Variants in TGFA observed in about 807,000 individuals in gnomAD.
The protein encoded by TGFA is protransforming growth factor alpha.
TGFA carries 12 observed loss-of-function variants against 21.7 expected under a neutral mutation model. That is an observed-to-expected ratio of 0.55 (90% CI 0.35 to 0.90). TGFA has a LOEUF of 0.90. Ranked by LOEUF, TGFA falls within the 40% of genes least tolerant of loss-of-function variation. TGFA has a pLI of 0.01. For synonymous variants in TGFA, 79 were observed against 88.1 expected (o/e 0.90, Z 0.58); for missense variants, 178 against 210.8 (o/e 0.84, Z 0.96).
At chr2:70,476,981 G>C (rs1468261025) in intron 2 of TGFA, among the ~76,000 whole-genome samples, 2 of 151,856 alleles carry the variant, frequency 1.3e-5, no homozygotes, top group Non-Finnish European at 2.9e-5. Context: ...CGAATTATAC[G>C]CAATTATTTT....
chr2:70,549,416 C>T (rs114464115), intron 1 of TGFA, among the ~76,000 whole-genome samples: 1 of 152,190 alleles, frequency 6.6e-6, no homozygotes, highest in Non-Finnish European at 1.5e-5. Flanking sequence ...TGCCCTTTCC[C>T]CATCAGCAAC....
Position 70,477,319 on chromosome 2 carries a change from A to G in TGFA, c.95-11583T>C, listed in dbSNP as rs886090702. On this transcript the variant is annotated intron_variant, in intron 2 of 5. Coordinates refer to ENST00000295400, the MANE Select transcript of TGFA (RefSeq NM_003236.4). The stretch of plus-strand genomic sequence containing the variant: ...AGAGATGACCTCGGGCTTGGTCTCT[A>G]TGGACAGAAACCTCACACACTCCTA... 6.6e-5 allele frequency among the ~76,000 whole-genome samples: 10 copies of G among 152,238 alleles called. No individual in the cohort carries two copies. The East Asian group carries it at 9.6e-4, about 15-fold the overall frequency.
intron 1 of TGFA, chr2:70,553,364 C>A: frequency 6.8e-7 from 1 of 1,464,156 alleles, no homozygotes; most frequent in South Asian, 1.4e-5. Flanking sequence ...GCCAGCGACG[C>A]CGGCTGAGCC....
Position 70,471,117 on chromosome 2 carries a change from C to T in TGFA, c.95-5381G>A, listed in dbSNP as rs568340807. Among the ~76,000 whole-genome samples, 2 of 143,482 alleles carry T rather than the reference C, an allele frequency of 1.4e-5. 1 individual carries two copies. 94.1% of individuals were successfully genotyped at this position (143,482 alleles called of 152,430 possible). On this transcript the variant is annotated intron_variant, in intron 2 of 5. Transcript: ENST00000295400. ...TGCATTCTCCTCCCCGCACCCCCCC[C>T]ACCATATAACCAAACTTCTTAAAAA...
chr2:70,527,436 G>A (rs1672671594), intron 1 of TGFA, among the ~76,000 whole-genome samples: 1 of 152,190 alleles, frequency 6.6e-6, no homozygotes, highest in Admixed American at 6.5e-5. Flanking sequence ...CAGGGGCTTG[G>A]GAGAGGGGAG....
intron 1 of TGFA, 138 bp from the exon 2 acceptor site, chr2:70,515,050 T>A: frequency 2.8e-6 from 2 of 707,334 alleles, no homozygotes; most frequent in Non-Finnish European, 4.7e-6. Context: ...CTCAGCTACA[T>A]AATTTGTGGA....
chr2:70,456,117 A>AC (rs1171419917), intron 4 of TGFA, among the ~76,000 whole-genome samples: 2 of 151,228 alleles, frequency 1.3e-5, no homozygotes, highest in East Asian at 3.9e-4. Context: ...CAGTGCACCA[A>AC]CCCCCCAGCT....
intron 3 of TGFA, among the ~76,000 whole-genome samples, chr2:70,459,882 T>C (rs1670358994): frequency 6.6e-6 from 1 of 152,132 alleles, no homozygotes; most frequent in South Asian, 2.1e-4. Context: ...GAGCGAACAC[T>C]TCCCCAAGGT....
chr2:70,509,215 A>G (rs782142603), intron 2 of TGFA, among the ~76,000 whole-genome samples: 5 of 152,224 alleles, frequency 3.3e-5, no homozygotes, highest in Non-Finnish European at 5.9e-5. Context: ...GAATGACTTC[A>G]GCTCCATGTG....
chr2:70,524,576 G>A (rs528296151), intron 1 of TGFA, among the ~76,000 whole-genome samples: 19 of 152,358 alleles, frequency 1.2e-4, no homozygotes, highest in Admixed American at 6.5e-4. Context: ...GAGTTCTGAG[G>A]TTGCAGAGAA....
intron 1 of TGFA, among the ~76,000 whole-genome samples, chr2:70,551,438 G>C (rs577078130): frequency 1.3e-5 from 2 of 152,174 alleles, no homozygotes; most frequent in Non-Finnish European, 2.9e-5. Flanking sequence ...CATTAACCGA[G>C]ACTCCTAACA....
intron 2 of TGFA, among the ~76,000 whole-genome samples, chr2:70,482,715 C>CT (rs57880017): frequency 0.011 from 1,627 of 148,374 alleles, 40 homozygotes; most frequent in African/African-American, 0.038. Context: ...TGGCTCAAAA[C>CT]TTTTTTTTTT....
intron 2 of TGFA, among the ~76,000 whole-genome samples, chr2:70,479,531 T>C (rs1559111030): frequency 6.6e-6 from 1 of 152,250 alleles, no homozygotes; most frequent in Non-Finnish European, 1.5e-5. Context: ...GACAAGTCTT[T>C]TTCAGCTTAA....
chr2:70,545,385 T>C (rs1226080555), intron 1 of TGFA, among the ~76,000 whole-genome samples: 1 of 152,206 alleles, frequency 6.6e-6, no homozygotes, highest in Non-Finnish European at 1.5e-5. Flanking sequence ...TCTTGTGCGC[T>C]TAGTTCCTAT....
chr2:70,488,951 GA>G (rs879998174), intron 2 of TGFA, among the ~76,000 whole-genome samples: 2 of 152,160 alleles, frequency 1.3e-5, no homozygotes, highest in African/African-American at 2.4e-5. Flanking sequence ...ACAGAAAAAG[GA>G]AAGGCCTCCA....
intron 2 of TGFA, among the ~76,000 whole-genome samples, chr2:70,503,815 C>CTA (rs1671816088): frequency 6.6e-6 from 1 of 152,240 alleles, no homozygotes; most frequent in Non-Finnish European, 1.5e-5. Flanking sequence ...CTAGAGGCCC[C>CTA]GTCCTTGGAC....
chr2:70,510,266 T>C (rs1485429297), intron 2 of TGFA, among the ~76,000 whole-genome samples: 3 of 152,112 alleles, frequency 2.0e-5, no homozygotes, highest in Non-Finnish European at 4.4e-5. Flanking sequence ...AACCTGAATG[T>C]AAAAAAGCAT....
intron 2 of TGFA, among the ~76,000 whole-genome samples, chr2:70,511,825 T>A (rs1229423454): frequency 6.6e-6 from 1 of 152,140 alleles, no homozygotes; most frequent in Non-Finnish European, 1.5e-5. Context: ...TCACTATCTC[T>A]TCTTCTGTGG....
intron 1 of TGFA, among the ~76,000 whole-genome samples, chr2:70,549,065 T>C (rs1035220515): frequency 6.6e-6 from 1 of 152,208 alleles, no homozygotes. Context: ...ATTAGGTGAT[T>C]AAAAATATTT....
Sources: gnomAD v4.1 joint callset for allele counts (sites outside exome capture counted in the v4.1 genomes callset) on GRCh38, gnomAD v4.1.1 for gene constraint, MANE v1.5 for transcripts, NCBI Gene and HGNC (gene_info 2026-07-23, HGNC 2026-07-21) for gene names.